RBPJ: variants seen among roughly 807,000 people sequenced by gnomAD.
RBPJ encodes recombination signal binding protein for immunoglobulin kappa J region.
RBPJ carries 9 observed loss-of-function variants against 67.8 expected under a neutral mutation model. That is an observed-to-expected ratio of 0.13 (90% CI 0.08 to 0.23). The LOEUF (loss-of-function observed/expected upper bound fraction) is 0.23. Ranked by LOEUF, RBPJ falls within the 10% of genes least tolerant of loss-of-function variation. The probability of loss-of-function intolerance (pLI) is 1.00; values close to 1 mark genes in which losing one functional copy is unlikely to be tolerated. For synonymous variants in RBPJ, 198 were observed against 203.3 expected, an observed-to-expected ratio of 0.97 and a Z score of 0.22; for missense variants, 305 against 595.6, an observed-to-expected ratio of 0.51 and a Z score of 5.08.
At chr4:26,361,484 A>T (rs1187189963) in intron 1 of RBPJ, among the ~76,000 whole-genome samples, 2 of 151,962 alleles carry the variant, frequency 1.3e-5, no homozygotes, top group Non-Finnish European at 2.9e-5. Context: ...GGAAACTTTC[A>T]TCTTTATTCT....
chr4:26,414,579 T>TA (rs1451502718), intron 3 of RBPJ, among the ~76,000 whole-genome samples: 1 of 152,228 alleles, frequency 6.6e-6, no homozygotes, highest in Non-Finnish European at 1.5e-5. Flanking sequence ...ATAGATGTTT[T>TA]AAAGTGTGTA....
chr4:26,133,408 A>G, the RBPJ span, among the ~76,000 whole-genome samples: 1 of 152,188 alleles, frequency 6.6e-6, no homozygotes, highest in Non-Finnish European at 1.5e-5. Context: ...CCTCATCTCT[A>G]CTAAAAAACA....
At chr4:26,301,497 C>T (rs1403730182) in intron 1 of RBPJ, among the ~76,000 whole-genome samples, 1 of 150,958 alleles carries the variant, frequency 6.6e-6, no homozygotes. Flanking sequence ...GAGGCTGAGG[C>T]AGGAGAATGG....
the RBPJ span, among the ~76,000 whole-genome samples, chr4:26,137,049 G>A: frequency 6.6e-6 from 1 of 152,234 alleles, no homozygotes; most frequent in Admixed American, 6.5e-5. Flanking sequence ...AGACAAAAGT[G>A]GAAGAAGTGC....
intron 1 of RBPJ, among the ~76,000 whole-genome samples, chr4:26,183,780 C>T (rs372409342): frequency 1.6e-4 from 25 of 152,130 alleles, no homozygotes; most frequent in African/African-American, 5.3e-4. Context: ...GAGGCTGAGG[C>T]GAGCAGATCA....
At chr4:26,287,373 C>T (rs887291841) in intron 1 of RBPJ, among the ~76,000 whole-genome samples, 1 of 151,352 alleles carries the variant, frequency 6.6e-6, no homozygotes, top group African/African-American at 2.4e-5. Flanking sequence ...GACCCCATCT[C>T]TAGCAAAAAA....
intron 1 of RBPJ, among the ~76,000 whole-genome samples, chr4:26,311,950 G>A (rs931296170): frequency 5.3e-5 from 8 of 151,804 alleles, no homozygotes; most frequent in Non-Finnish European, 1.0e-4. Context: ...AAATCTTAAA[G>A]CTCAGTTCAT....
chr4:26,332,150 T>C (rs1276453880), intron 1 of RBPJ, among the ~76,000 whole-genome samples: 1 of 152,224 alleles, frequency 6.6e-6, no homozygotes, highest in African/African-American at 2.4e-5. Context: ...CAGCTTATAA[T>C]AATGAGTGTC....
At chr4:26,190,531 G>T (rs1717442876) in intron 1 of RBPJ, among the ~76,000 whole-genome samples, 1 of 152,186 alleles carries the variant, frequency 6.6e-6, no homozygotes, top group South Asian at 2.1e-4. Context: ...TTTATACAGT[G>T]AGAGAAAGGA....
chr4:26,383,259 TA>T (rs753104007), intron 1 of RBPJ, among the ~76,000 whole-genome samples: 53 of 152,354 alleles, frequency 3.5e-4, no homozygotes, highest in Non-Finnish European at 5.0e-4. Flanking sequence ...TTTTAATTAA[TA>T]TTTACTTGTT....
chr4:26,415,593 A>C lies in RBPJ; in HGVS notation c.274A>C (p.Ile92Leu). 1 of 1,611,142 alleles carries C rather than the reference A, an allele frequency of 6.2e-7. No homozygotes were observed. Reference sequence around the variant, plus strand: ...GTCTCAACCGTGTGCATTTATTGGGATAGGAAATAGTGACCAAGAAATGCA... The same window carrying C: ...GTCTCAACCGTGTGCATTTATTGGGCTAGGAAATAGTGACCAAGAAATGCA... ...QESQPCAFIGIGNSDQEMQQL... is the reference protein window; with the variant it reads ...QESQPCAFIGLGNSDQEMQQL... Residue 92 changes from isoleucine (I) to leucine (L), a missense_variant, in exon 4 of 11, where the codon ATA becomes CTA. Ile to Leu is a conservative substitution (Grantham distance 5). This residue lies in a region of RBPJ where 79 missense variants were observed against 106.2 expected (regional missense o/e 0.74). Transcript: ENST00000355476.
At chr4:26,276,423 T>A (rs749651747) in intron 1 of RBPJ, among the ~76,000 whole-genome samples, 1 of 152,218 alleles carries the variant, frequency 6.6e-6, no homozygotes, top group Non-Finnish European at 1.5e-5. Context: ...TTAGATGAGA[T>A]CTGGGTTTTT....
intron 1 of RBPJ, chr4:26,272,596 A>T (rs1286116028): frequency 2.4e-6 from 1 of 416,074 alleles, no homozygotes; most frequent in South Asian, 1.8e-5. Flanking sequence ...AAATAAATAA[A>T]AAATAAATAA....
intron 1 of RBPJ, among the ~76,000 whole-genome samples, chr4:26,201,022 A>T (rs1717963472): frequency 6.6e-6 from 1 of 152,220 alleles, no homozygotes; most frequent in African/African-American, 2.4e-5. Context: ...TGAATGCATG[A>T]ATGAATGAGT....
intron 1 of RBPJ, among the ~76,000 whole-genome samples, chr4:26,221,694 C>T (rs1386485203): frequency 6.6e-6 from 1 of 152,162 alleles, no homozygotes; most frequent in Non-Finnish European, 1.5e-5. Flanking sequence ...AAAGAGCACC[C>T]AGTTGGTTCT....
intron 1 of RBPJ, among the ~76,000 whole-genome samples, chr4:26,230,673 T>C (rs1388586268): frequency 6.6e-6 from 1 of 152,268 alleles, no homozygotes; most frequent in Non-Finnish European, 1.5e-5. Flanking sequence ...CATTAAGTGA[T>C]CTTTATTTCT....
chr4:26,318,652 T>C (rs1278133603), upstream of RBPJ, among the ~76,000 whole-genome samples: 12 of 152,126 alleles, frequency 7.9e-5, no homozygotes, highest in Non-Finnish European at 1.2e-4. Context: ...TATTTATTTA[T>C]TTATTTATTT....
At chr4:26,392,560 G>T (rs915305369) in intron 2 of RBPJ, among the ~76,000 whole-genome samples, 1 of 152,026 alleles carries the variant, frequency 6.6e-6, no homozygotes, top group African/African-American at 2.4e-5. Context: ...AATATATCAG[G>T]AAAAAAGAAT....
At chr4:26,316,402 CAT>C (rs200897166), upstream of RBPJ, among the ~76,000 whole-genome samples, 120 of 139,058 alleles carry the variant, frequency 8.6e-4, no homozygotes, top group Non-Finnish European at 1.1e-3. Context: ...TATATACATT[CAT>C]ATATATACAT....
Sources: allele counts gnomAD v4.1 joint callset (sites outside exome capture counted in the v4.1 genomes callset), GRCh38; gene constraint gnomAD v4.1.1; regional missense constraint gnomAD v4.1.1; transcripts MANE v1.5; gene names NCBI Gene and HGNC (gene_info 2026-07-23, HGNC 2026-07-21).